Variants in TAFA1 observed in about 807,000 individuals in gnomAD.
The protein encoded by TAFA1 is TAFA chemokine like family member 1.
TAFA1 carries 4 observed loss-of-function variants against 18.5 expected under a neutral mutation model. The ratio of observed to expected loss-of-function variants is 0.22; its 90% CI spans 0.11 to 0.49. The LOEUF is 0.49. TAFA1 is among the 20% of genes least tolerant of loss of function. The pLI, the probability that TAFA1 is intolerant of heterozygous loss-of-function variation, is 0.98. For missense variants in TAFA1, 147 were observed against 169.0 expected (o/e 0.87, Z 0.72); for synonymous variants, 56 against 55.2 (o/e 1.01, Z -0.06).
At chr3:68,311,362 A>C (rs1392940411) in intron 2 of TAFA1, among the ~76,000 whole-genome samples, 1 of 152,192 alleles carries the variant, frequency 6.6e-6, no homozygotes, top group Non-Finnish European at 1.5e-5. Context: ...AATTCATTTC[A>C]GCATTTACTC....
At position 68,076,475 on chromosome 3, in the gene TAFA1, A is replaced by G. The variant is rs1234728511; in HGVS notation, c.118+69731A>G. On this transcript the variant is annotated intron_variant, in intron 2 of 4. Coordinates refer to ENST00000478136, the MANE Select transcript of TAFA1 (RefSeq NM_213609.4). ...CTCCCCCCTCCCCCCACCCCCCACC[A>G]GTCCCCAGAGTGTGATATTCCCCTT... Among the ~76,000 whole-genome samples the G allele has an allele frequency of 1.2e-4, 7 of 57,710 alleles. No homozygotes were observed. The Admixed American group carries it at 1.9e-3, about 16-fold the overall frequency. 37.9% of individuals were successfully genotyped at this position (57,710 alleles called of 152,430 possible).
intron 2 of TAFA1, among the ~76,000 whole-genome samples, chr3:68,232,779 A>G (rs1230311482): frequency 1.3e-5 from 2 of 151,960 alleles, no homozygotes; most frequent in Admixed American, 6.6e-5. Context: ...CTAATTTTTA[A>G]TATTTGTAGA....
chr3:68,205,646 A>G (rs1250697461), intron 2 of TAFA1, among the ~76,000 whole-genome samples: 1 of 151,880 alleles, frequency 6.6e-6, no homozygotes, highest in Admixed American at 6.6e-5. Context: ...TTCAACTACT[A>G]CATTTGTTTG....
rs374023737 is a variant in TAFA1, at chr3:68,395,324, C to T, written c.119-21956C>T. Among the ~76,000 whole-genome samples, 38 of 152,234 alleles carry T rather than the reference C, an allele frequency of 2.5e-4. No individual in the cohort carries two copies. The South Asian group carries it at 2.7e-3, about 11-fold the overall frequency. On this transcript the variant is annotated intron_variant, in intron 2 of 4. Coordinates refer to ENST00000478136, the MANE Select transcript of TAFA1 (RefSeq NM_213609.4). ...TGGAGAGGATGTGGAGAAATAGGAA[C>T]GCTTTTACACTGTTGGTGAGAGTGT...
rs577651424 is a variant in TAFA1, at chr3:68,303,642, G to A, written c.119-113638G>A. ...TTTTTTGTATTTTTAGTAGAGACGG[G>A]GTTTCACTGTGTTAGCCGGGATGGT... On this transcript the variant is annotated intron_variant, in intron 2 of 4. Coordinates refer to ENST00000478136, the MANE Select transcript of TAFA1 (RefSeq NM_213609.4). 2.0e-5 allele frequency among the ~76,000 whole-genome samples: 3 copies of A among 152,080 alleles called. No homozygotes were observed. The South Asian group carries it at 6.2e-4, about 32-fold the overall frequency.
chr3:68,195,169 G>T (rs1491735), intron 2 of TAFA1, among the ~76,000 whole-genome samples: 141,434 of 151,178 alleles, frequency 0.94, 66,190 homozygotes, highest in South Asian at 0.96. Flanking sequence ...ACTCTAATTT[G>T]GGGTTTGCCT....
chr3:68,331,723 C>T (rs1312582327), intron 2 of TAFA1, among the ~76,000 whole-genome samples: 3 of 151,928 alleles, frequency 2.0e-5, no homozygotes, highest in African/African-American at 7.3e-5. Context: ...TACAGAGCTA[C>T]AGGTGTAAAA....
chr3:68,113,362 T>C (rs1225022619), intron 2 of TAFA1, among the ~76,000 whole-genome samples: 4 of 152,144 alleles, frequency 2.6e-5, no homozygotes, highest in African/African-American at 9.7e-5. Context: ...TGGAAATCCA[T>C]ATGGAAAAAG....
chr3:68,024,547 G>C (rs183244143), intron 2 of TAFA1, among the ~76,000 whole-genome samples: 27 of 152,186 alleles, frequency 1.8e-4, no homozygotes, highest in South Asian at 8.3e-4. Flanking sequence ...GCCTTGATGG[G>C]CAGAGTACAT....
intron 3 of TAFA1, among the ~76,000 whole-genome samples, chr3:68,434,038 A>G (rs550481435): frequency 6.6e-6 from 1 of 152,270 alleles, no homozygotes; most frequent in African/African-American, 2.4e-5. Context: ...GTAAAAGGAT[A>G]TCAGAGAAAA....
At chr3:68,345,281 T>C (rs1175639758) in intron 2 of TAFA1, among the ~76,000 whole-genome samples, 1 of 152,192 alleles carries the variant, frequency 6.6e-6, no homozygotes, top group Non-Finnish European at 1.5e-5. Flanking sequence ...GGGCCAGATC[T>C]AATCCTTACC....
At chr3:68,490,494 A>T (rs1352508573) in intron 3 of TAFA1, among the ~76,000 whole-genome samples, 2 of 152,162 alleles carry the variant, frequency 1.3e-5, no homozygotes, top group Admixed American at 6.5e-5. Context: ...CTGCATATCT[A>T]TGTAAGGGCA....
At chr3:68,266,010 C>G (rs540765963) in intron 2 of TAFA1, among the ~76,000 whole-genome samples, 20 of 152,296 alleles carry the variant, frequency 1.3e-4, no homozygotes, top group African/African-American at 4.8e-4. Context: ...AGATTAGGCT[C>G]TATTGACATA....
chr3:68,433,616 A>T lies in TAFA1; in HGVS notation c.259+16196A>T, dbSNP rs191612800. The stretch of plus-strand genomic sequence containing the variant: ...AGCACAATGACTGGTACAGATGCTC[A>T]AATAATTCATGTCTTTTGTACTTAT... On this transcript the variant is annotated intron_variant, in intron 3 of 4. Coordinates refer to ENST00000478136, the MANE Select transcript of TAFA1 (RefSeq NM_213609.4). 1.0e-3 allele frequency among the ~76,000 whole-genome samples: 159 copies of T among 152,238 alleles called. 1 individual carries two copies. Among genetic ancestry groups the T allele is most frequent in the Admixed American group, 8.4e-3 (128 of 15,266 alleles).
chr3:68,303,639 C>T (rs377218379), intron 2 of TAFA1, among the ~76,000 whole-genome samples: 30 of 152,110 alleles, frequency 2.0e-4, no homozygotes, highest in African/African-American at 7.2e-4. Flanking sequence ...TTAGTAGAGA[C>T]GGGGTTTCAC....
In TAFA1 at chr3:68,131,884, C is replaced by CT. The variant is rs1236182718; in HGVS notation, c.118+125150dup. On this transcript the variant is annotated intron_variant, in intron 2 of 4. Coordinates refer to ENST00000478136, the MANE Select transcript of TAFA1 (RefSeq NM_213609.4). ...TCATAGAAACTCCCTATTTTTTAAC[C>CT]TTTTTTTTTTATTATTATGCTTTAA... 4.4e-4 allele frequency among the ~76,000 whole-genome samples: 66 copies of CT among 150,608 alleles called. 2 individuals are homozygous for CT. Among genetic ancestry groups the CT allele is most frequent in the Admixed American group, 2.8e-3 (42 of 15,102 alleles).
chr3:68,474,914 A>C, intron 3 of TAFA1, among the ~76,000 whole-genome samples: 1 of 152,100 alleles, frequency 6.6e-6, no homozygotes, highest in Admixed American at 6.6e-5. Context: ...TTTTTTTCAG[A>C]GTGGTTGTGT....
chr3:68,288,465 A>G (rs2068054282), intron 2 of TAFA1, among the ~76,000 whole-genome samples: 1 of 152,128 alleles, frequency 6.6e-6, no homozygotes, highest in African/African-American at 2.4e-5. Context: ...CCCATGGAAG[A>G]TTATGTCGCC....
chr3:68,120,165 TTCTTTCTCTTTCTTTC>T (rs2065372326), intron 2 of TAFA1, among the ~76,000 whole-genome samples: 1 of 138,234 alleles, frequency 7.2e-6, no homozygotes, highest in South Asian at 2.2e-4. Context: ...TTCTTTCTCT[TTCTTTCTCTTTCTTTC>T]TTTCTTTCTT....
Sources: gnomAD v4.1 joint callset for allele counts (sites outside exome capture counted in the v4.1 genomes callset) on GRCh38, gnomAD v4.1.1 for gene constraint, MANE v1.5 for transcripts, NCBI Gene and HGNC (gene_info 2026-07-23, HGNC 2026-07-21) for gene names.